TENM2: variants seen among roughly 807,000 people sequenced by gnomAD.
TENM2 encodes the protein teneurin-2.
Under a neutral mutation model 245.2 loss-of-function variants are expected in TENM2, and 52 were observed. That is an observed-to-expected ratio of 0.21 (90% CI 0.17 to 0.27). The LOEUF (loss-of-function observed/expected upper bound fraction) is 0.27. TENM2 is among the 10% of genes least tolerant of loss of function. The pLI, the probability that TENM2 is intolerant of heterozygous loss-of-function variation, is 1.00. For synonymous variants in TENM2, 1,363 were observed against 1,438.9 expected, an observed-to-expected ratio of 0.95 and a Z score of 1.19; for missense variants, 3,046 against 3,666.8, an observed-to-expected ratio of 0.83 and a Z score of 4.37.
intron 7 of TENM2, among the ~76,000 whole-genome samples, chr5:168,078,954 C>T (rs1791728346): frequency 6.6e-6 from 1 of 152,018 alleles, no homozygotes; most frequent in South Asian, 2.1e-4. Context: ...TAGTTTTTTC[C>T]AATTCTATGA....
intron 2 of TENM2, among the ~76,000 whole-genome samples, chr5:167,686,670 G>T (rs1190808400): frequency 6.6e-6 from 1 of 152,090 alleles, no homozygotes; most frequent in Non-Finnish European, 1.5e-5. Flanking sequence ...GAATTTTCTT[G>T]GCTGTCAACC....
intron 3 of TENM2, among the ~76,000 whole-genome samples, chr5:167,898,539 A>G (rs774884973): frequency 6.6e-6 from 1 of 152,224 alleles, no homozygotes; most frequent in Non-Finnish European, 1.5e-5. Flanking sequence ...CCTGGACACC[A>G]CAGTGTTTAA....
intron 4 of TENM2, among the ~76,000 whole-genome samples, chr5:167,966,354 G>A (rs2151905503): frequency 6.6e-6 from 1 of 152,286 alleles, no homozygotes; most frequent in Middle Eastern, 3.4e-3. Flanking sequence ...ACAGCCATGG[G>A]TGCCATGGCT....
intron 3 of TENM2, among the ~76,000 whole-genome samples, chr5:167,900,134 G>A (rs10064018): frequency 0.53 from 30,516 of 57,560 alleles, 7,008 homozygotes; most frequent in Non-Finnish European, 0.55. Flanking sequence ...AAAAAAAAAA[G>A]GGGGGGGGGG....
chr5:167,417,840 G>A (rs764546634), intron 2 of TENM2, among the ~76,000 whole-genome samples: 17 of 152,112 alleles, frequency 1.1e-4, no homozygotes, highest in Non-Finnish European at 1.9e-4. Flanking sequence ...TGTTTCCCTG[G>A]TGTGGATTTG....
the TENM2 span, among the ~76,000 whole-genome samples, chr5:167,173,504 G>A: frequency 3.4e-4 from 52 of 152,092 alleles, 1 homozygote; most frequent in Non-Finnish European, 1.9e-4. Flanking sequence ...TAATGTCTTT[G>A]TAAAAATGAA....
intron 2 of TENM2, among the ~76,000 whole-genome samples, chr5:167,392,820 T>C (rs1285498385): frequency 6.6e-6 from 1 of 152,184 alleles, no homozygotes; most frequent in Non-Finnish European, 1.5e-5. Context: ...ATTTAGTTAG[T>C]TATTGGGCAT....
chr5:167,720,030 C>T (rs1759525835), intron 2 of TENM2, among the ~76,000 whole-genome samples: 1 of 152,056 alleles, frequency 6.6e-6, no homozygotes, highest in Non-Finnish European at 1.5e-5. Flanking sequence ...TTCTAAGATC[C>T]AATAAACTGA....
intron 2 of TENM2, among the ~76,000 whole-genome samples, chr5:167,557,199 A>G (rs1773314507): frequency 6.6e-6 from 1 of 152,148 alleles, no homozygotes; most frequent in South Asian, 2.1e-4. Flanking sequence ...CTTCTTTGTG[A>G]GTTTTTAAAA....
At chr5:168,113,459 C>T (rs1268468198) in intron 9 of TENM2, among the ~76,000 whole-genome samples, 1 of 152,134 alleles carries the variant, frequency 6.6e-6, no homozygotes, top group East Asian at 1.9e-4. Flanking sequence ...TAGGCATTTT[C>T]CCTCTGCTTT....
the TENM2 span, among the ~76,000 whole-genome samples, chr5:167,246,732 C>T: frequency 6.6e-6 from 1 of 151,820 alleles, no homozygotes; most frequent in African/African-American, 2.4e-5. Flanking sequence ...TCTGCTTGCC[C>T]ATGTGTTTAT....
chr5:167,316,464 T>C (rs571092642), intron 1 of TENM2, among the ~76,000 whole-genome samples: 13 of 152,200 alleles, frequency 8.5e-5, no homozygotes, highest in Non-Finnish European at 1.3e-4. Context: ...TAATCATATC[T>C]GCCTAAGTGT....
In TENM2 at chr5:167,612,393, T is replaced by C. The variant is rs1009465015; in HGVS notation, c.502+236920T>C. Among the ~76,000 whole-genome samples the C allele has an allele frequency of 3.4e-4, 52 of 152,274 alleles. 1 individual carries two copies. The highest frequency in any genetic ancestry group is 6.8e-3 in the Middle Eastern group (2 of 294). On this transcript the variant is annotated intron_variant, in intron 2 of 28. Coordinates refer to ENST00000518659, the Ensembl canonical transcript of TENM2. ...TGGCATTTATTTAATTTTCGTAAGT[T>C]ACATTGCCTTATTTTCTTTACATCT...
chr5:167,243,485 A>G, the TENM2 span, among the ~76,000 whole-genome samples: 17 of 152,120 alleles, frequency 1.1e-4, 1 homozygote, highest in African/African-American at 3.9e-4. Flanking sequence ...AAAGAAAAAC[A>G]TGAGTCCTTG....
chr5:166,994,299 A>G, the TENM2 span, among the ~76,000 whole-genome samples: 1 of 152,300 alleles, frequency 6.6e-6, no homozygotes, highest in African/African-American at 2.4e-5. Flanking sequence ...AAAGGGGCTA[A>G]TATTGTGGGC....
intron 2 of TENM2, among the ~76,000 whole-genome samples, chr5:167,860,966 C>A (rs2151286578): frequency 7.8e-6 from 1 of 128,558 alleles, no homozygotes; most frequent in Non-Finnish European, 1.6e-5. Context: ...TGTTTATCTG[C>A]TGACCTTCCC....
At chr5:167,345,753 A>G (rs1457478679) in intron 1 of TENM2, among the ~76,000 whole-genome samples, 1 of 152,172 alleles carries the variant, frequency 6.6e-6, no homozygotes, top group Non-Finnish European at 1.5e-5. Context: ...CATGAATCAG[A>G]ATCTCAATGT....
At chr5:167,410,598 A>C (rs2127403311) in intron 2 of TENM2, among the ~76,000 whole-genome samples, 1 of 152,142 alleles carries the variant, frequency 6.6e-6, no homozygotes, top group Admixed American at 6.6e-5. Context: ...TTTGCCAGAT[A>C]TTCTCCCCAT....
At chr5:167,073,870 C>T in the TENM2 span, among the ~76,000 whole-genome samples, 10 of 152,136 alleles carry the variant, frequency 6.6e-5, no homozygotes, top group African/African-American at 9.7e-5. Flanking sequence ...CTCATGTTCC[C>T]GGTTAAATTG....
Sources: allele counts gnomAD v4.1 joint callset (sites outside exome capture counted in the v4.1 genomes callset), GRCh38; gene constraint gnomAD v4.1.1; transcripts MANE v1.5; gene names NCBI Gene and HGNC (gene_info 2026-07-23, HGNC 2026-07-21).